UGT2B7: variants seen among roughly 807,000 people sequenced by gnomAD.
The protein encoded by UGT2B7 is UDP glucuronosyltransferase family 2 member B7.
A neutral mutation model predicts 51.9 loss-of-function variants in UGT2B7; 51 were observed. The ratio of observed to expected loss-of-function variants is 0.98; its 90% CI spans 0.78 to 1.24. The LOEUF (loss-of-function observed/expected upper bound fraction) is 1.24, where lower values mean the gene tolerates loss of function less well. UGT2B7 is among the 50% of genes most tolerant of loss of function. The pLI is 0.00. For synonymous variants in UGT2B7, 225 were observed against 211.6 expected (o/e 1.06, Z -0.55); for missense variants, 727 against 628.4 (o/e 1.16, Z -1.68).
chr4:69,083,446 G>T (rs951307947), intron 1 of UGT2B7, among the ~76,000 whole-genome samples: 3 of 151,908 alleles, frequency 2.0e-5, no homozygotes, highest in African/African-American at 7.2e-5. Flanking sequence ...ATTCATAGGA[G>T]CAGGTCAACG....
upstream of UGT2B7, among the ~76,000 whole-genome samples, chr4:69,092,836 T>A (rs2109880431): frequency 6.6e-6 from 1 of 151,846 alleles, no homozygotes; most frequent in South Asian, 2.1e-4. Flanking sequence ...AATGAAAGAA[T>A]AATCAAAATC....
chr4:69,062,111 A>G (rs1007171327), intron 1 of UGT2B7, among the ~76,000 whole-genome samples: 2 of 152,180 alleles, frequency 1.3e-5, no homozygotes. Context: ...CTCAGTGCTC[A>G]GTAAAGATGG....
At chr4:69,065,859 T>A (rs1718472554) in intron 1 of UGT2B7, among the ~76,000 whole-genome samples, 1 of 150,862 alleles carries the variant, frequency 6.6e-6, no homozygotes, top group African/African-American at 2.4e-5. Flanking sequence ...AGTAATTTTT[T>A]AATCTTCTTT....
At chr4:69,087,870 T>A (rs950695923) in intron 1 of UGT2B7, among the ~76,000 whole-genome samples, 1 of 151,994 alleles carries the variant, frequency 6.6e-6, no homozygotes, top group African/African-American at 2.4e-5. Context: ...CTGCTATCAA[T>A]ATTCTTTCTT....
chr4:69,108,331 A>C lies in UGT2B7; in HGVS notation c.1310+9A>C. 8.1e-6 allele frequency: 13 copies of C among 1,612,126 alleles called. No homozygotes were observed. Among genetic ancestry groups the C allele is most frequent in the Non-Finnish European group, 1.0e-5 (12 of 1,178,492 alleles). ...GTAATTAATGATCCTTCGTGAGTAG[A>C]ACAATATTTTTCACTAGGTGGTATT... is the stretch of plus-strand genomic sequence containing the variant. On this transcript the variant is annotated intron_variant, in intron 5 of 5. Transcript: ENST00000305231.
chr4:69,064,112 AAAAGAAAGAAAG>A (rs60807201), intron 1 of UGT2B7, among the ~76,000 whole-genome samples: 1 of 86,802 alleles, frequency 1.2e-5, no homozygotes, highest in Non-Finnish European at 2.2e-5. Flanking sequence ...GAAAGAAAGA[AAAAGAAAGAAAG>A]AAAGAAAGAA....
intron 1 of UGT2B7, among the ~76,000 whole-genome samples, chr4:69,072,298 C>T (rs981179982): frequency 3.9e-5 from 6 of 152,112 alleles, no homozygotes; most frequent in African/African-American, 1.4e-4. Context: ...CATGGAATCA[C>T]TGAATTGAAA....
At chr4:69,102,579 TAC>T (rs1416985843) in intron 2 of UGT2B7, among the ~76,000 whole-genome samples, 2 of 152,094 alleles carry the variant, frequency 1.3e-5, no homozygotes. Flanking sequence ...CACAAATACA[TAC>T]ACATACACAC....
intron 1 of UGT2B7, among the ~76,000 whole-genome samples, chr4:69,052,569 CAAAAAAAA>C (rs1204317464): frequency 3.1e-5 from 2 of 64,712 alleles, no homozygotes; most frequent in African/African-American, 6.2e-5. Flanking sequence ...TGGTTATCTT[CAAAAAAAA>C]AAAAAAAAAA....
At chr4:69,060,107 G>A (rs535282723) in intron 1 of UGT2B7, among the ~76,000 whole-genome samples, 1 of 152,298 alleles carries the variant, frequency 6.6e-6, no homozygotes, top group South Asian at 2.1e-4. Context: ...ACTGTGTCTT[G>A]CTCCAGTACA....
intron 1 of UGT2B7, among the ~76,000 whole-genome samples, chr4:69,077,631 C>T (rs7691362): frequency 0.43 from 64,671 of 151,134 alleles, 15,347 homozygotes; most frequent in African/African-American, 0.64. Flanking sequence ...ACATTGACTT[C>T]GTATCCTGAG....
At chr4:69,101,772 ACATCGG>A (rs1719425443) in intron 2 of UGT2B7, among the ~76,000 whole-genome samples, 1 of 152,210 alleles carries the variant, frequency 6.6e-6, no homozygotes, top group Non-Finnish European at 1.5e-5. Flanking sequence ...TTAAATTTAA[ACATCGG>A]CATATATTGG....
chr4:69,095,729 G>C (rs1429761117), upstream of UGT2B7, among the ~76,000 whole-genome samples: 4 of 152,104 alleles, frequency 2.6e-5, no homozygotes, highest in African/African-American at 9.7e-5. Context: ...TAAAAAGATA[G>C]TGTCATCTTG....
At chr4:69,085,812 G>A (rs996090173) in intron 1 of UGT2B7, among the ~76,000 whole-genome samples, 7 of 151,618 alleles carry the variant, frequency 4.6e-5, no homozygotes, top group Non-Finnish European at 7.4e-5. Flanking sequence ...TAATTTGTTG[G>A]CATGAACTTG....
chr4:69,112,343 G>T (rs1719797313), intron 5 of UGT2B7, 114 bp from the exon 6 acceptor site: 1 of 1,383,106 alleles, frequency 7.2e-7, no homozygotes, highest in Non-Finnish European at 9.7e-7. Context: ...CTTGAGAGAG[G>T]AGTCTTGCCG....
intron 2 of UGT2B7, 33 bp downstream of exon 2, chr4:69,098,721 G>T: frequency 1.9e-6 from 3 of 1,598,976 alleles, no homozygotes; most frequent in Non-Finnish European, 1.7e-6. Context: ...TATTTTGTTG[G>T]CTTTGAATTT....
chr4:69,108,145 A>G lies in UGT2B7; in HGVS notation c.1133A>G (p.Asn378Ser), dbSNP rs35590824. 2 of 1,613,526 alleles carry G rather than the reference A, an allele frequency of 1.2e-6. No individual in the cohort carries two copies. Among genetic ancestry groups the G allele is most frequent in the African/African-American group, 1.3e-5 (1 of 74,880 alleles). ...TRAFITHGGANGIYEAIYHGI... is the reference protein window; with the variant it reads ...TRAFITHGGASGIYEAIYHGI... Reference sequence around the variant, plus strand: ...GCTTTTATAACTCATGGTGGAGCCAATGGCATCTACGAGGCAATCTACCAT... The same window carrying G: ...GCTTTTATAACTCATGGTGGAGCCAGTGGCATCTACGAGGCAATCTACCAT... The change falls in exon 5 of 6, where the codon AAT (asparagine) becomes AGT (serine). Residue 378 changes from asparagine (N) to serine (S), a missense_variant. Transcript: ENST00000305231.
At chr4:69,092,132 G>A (rs1719099417), upstream of UGT2B7, among the ~76,000 whole-genome samples, 1 of 151,938 alleles carries the variant, frequency 6.6e-6, no homozygotes, top group African/African-American at 2.4e-5. Context: ...TACTGAGTAG[G>A]TCTTGTTATG....
intron 1 of UGT2B7, among the ~76,000 whole-genome samples, chr4:69,071,922 T>C (rs953523768): frequency 2.0e-5 from 3 of 152,056 alleles, no homozygotes; most frequent in African/African-American, 4.8e-5. Flanking sequence ...TTTTAGTCTA[T>C]TTATATTTTT....
Sources: allele counts gnomAD v4.1 joint callset (sites outside exome capture counted in the v4.1 genomes callset), GRCh38; gene constraint gnomAD v4.1.1; transcripts MANE v1.5; gene names NCBI Gene and HGNC (gene_info 2026-07-23, HGNC 2026-07-21).